Variants in DPP6 observed in about 807,000 individuals in gnomAD.
The protein encoded by DPP6 is A-type potassium channel modulatory protein DPP6.
In DPP6, 69 loss-of-function variants were observed where a neutral mutation model predicts 122.6. The observed-to-expected ratio is 0.56, with a 90% confidence interval of 0.46 to 0.69. DPP6 has a LOEUF of 0.69. DPP6 is among the 30% of genes least tolerant of loss of function. The probability of loss-of-function intolerance (pLI) is 0.00; values close to 1 mark genes in which losing one functional copy is unlikely to be tolerated. For missense variants in DPP6, 928 were observed against 1,116.9 expected, an observed-to-expected ratio of 0.83 and a Z score of 2.41; for synonymous variants, 418 against 433.1, an observed-to-expected ratio of 0.97 and a Z score of 0.43.
chr7:154,709,257 G>A (rs1488931), intron 7 of DPP6, among the ~76,000 whole-genome samples: 1 of 152,148 alleles, frequency 6.6e-6, no homozygotes, highest in Non-Finnish European at 1.5e-5. Flanking sequence ...GGAGTTCACT[G>A]CAGTCTTGAC....
intron 5 of DPP6, among the ~76,000 whole-genome samples, chr7:154,621,757 T>G (rs1342485026): frequency 1.3e-5 from 2 of 152,148 alleles, no homozygotes; most frequent in South Asian, 4.2e-4. Context: ...TTGGTTTCTC[T>G]TCCCTCCTCA....
intron 17 of DPP6, among the ~76,000 whole-genome samples, chr7:154,861,867 G>GA (rs982624280): frequency 3.9e-5 from 6 of 152,140 alleles, no homozygotes; most frequent in Admixed American, 2.6e-4. Flanking sequence ...TAGAATGTCT[G>GA]AAAATGTGTT....
intron 7 of DPP6, among the ~76,000 whole-genome samples, chr7:154,682,655 A>T (rs764157611): frequency 5.9e-5 from 9 of 152,164 alleles, no homozygotes; most frequent in Non-Finnish European, 1.2e-4. Context: ...GTTATTTGTG[A>T]ATGATTCTTC....
chr7:154,644,725 T>A (rs3080647), intron 6 of DPP6, among the ~76,000 whole-genome samples: 21,654 of 129,068 alleles, frequency 0.17, 1,852 homozygotes, highest in African/African-American at 0.27. Context: ...TTTTTTTTTT[T>A]AAGATACAGA....
chr7:154,574,893 GTATA>G (rs1175529930), intron 5 of DPP6, among the ~76,000 whole-genome samples: 1 of 144,458 alleles, frequency 6.9e-6, no homozygotes, highest in African/African-American at 2.6e-5. Flanking sequence ...TGTGGTGTGT[GTATA>G]TGTGTGGTGT....
At chr7:154,060,730 C>A (rs1275540823) in intron 1 of DPP6, among the ~76,000 whole-genome samples, 1 of 146,422 alleles carries the variant, frequency 6.8e-6, no homozygotes, top group African/African-American at 2.5e-5. Context: ...GGGAGGCACC[C>A]CCCGCGAGGC....
chr7:154,425,332 A>G (rs867750812), intron 1 of DPP6, among the ~76,000 whole-genome samples: 1 of 152,228 alleles, frequency 6.6e-6, no homozygotes, highest in African/African-American at 2.4e-5. Flanking sequence ...TTGAACCAGT[A>G]AAATTAGCTG....
chr7:154,097,214 A>C (rs1805389213), intron 1 of DPP6, among the ~76,000 whole-genome samples: 1 of 152,190 alleles, frequency 6.6e-6, no homozygotes, highest in South Asian at 2.1e-4. Flanking sequence ...TCAGGCGGCC[A>C]CTCAGTCTCC....
At chr7:154,186,767 G>T (rs1406680252) in intron 1 of DPP6, among the ~76,000 whole-genome samples, 1 of 152,228 alleles carries the variant, frequency 6.6e-6, no homozygotes, top group African/African-American at 2.4e-5. Context: ...TTACTCGGTT[G>T]TCTCAATTCT....
At chr7:154,767,237 G>C (rs1289188248) in intron 8 of DPP6, among the ~76,000 whole-genome samples, 1 of 152,052 alleles carries the variant, frequency 6.6e-6, no homozygotes, top group African/African-American at 2.4e-5. Context: ...GCACCTTCTC[G>C]CTCTGCCCTG....
At chr7:153,930,988 C>G (rs1413894712) in intron 1 of DPP6, among the ~76,000 whole-genome samples, 1 of 152,176 alleles carries the variant, frequency 6.6e-6, no homozygotes, top group Non-Finnish European at 1.5e-5. Context: ...AAGCAATTCT[C>G]TAAAAGGAAT....
intron 5 of DPP6, among the ~76,000 whole-genome samples, chr7:154,589,200 C>T (rs778135850): frequency 3.9e-5 from 6 of 152,270 alleles, no homozygotes; most frequent in African/African-American, 1.2e-4. Context: ...CATGAATGTA[C>T]GCTTTTTCAT....
intron 1 of DPP6, among the ~76,000 whole-genome samples, chr7:154,303,471 C>T (rs1293008008): frequency 6.6e-6 from 1 of 152,052 alleles, no homozygotes; most frequent in East Asian, 1.9e-4. Flanking sequence ...AACCTGTGAC[C>T]GTAGGAAGAC....
At chr7:154,575,542 G>A (rs1023961671) in intron 5 of DPP6, among the ~76,000 whole-genome samples, 63,147 of 135,882 alleles carry the variant, frequency 0.46, 15,806 homozygotes, top group East Asian at 0.94. Flanking sequence ...TGTATGTGGT[G>A]TGTGTGGTGT....
chr7:154,742,462 AT>A (rs1444237389), intron 8 of DPP6, among the ~76,000 whole-genome samples: 1 of 152,252 alleles, frequency 6.6e-6, no homozygotes, highest in Non-Finnish European at 1.5e-5. Context: ...CCAAACAACC[AT>A]TAATGCATTA....
the DPP6 span, among the ~76,000 whole-genome samples, chr7:153,818,847 G>A: frequency 1.3e-5 from 2 of 151,844 alleles, no homozygotes; most frequent in African/African-American, 2.4e-5. Flanking sequence ...TGCCTCCCGG[G>A]TGCAAGCGAT....
chr7:153,828,464 A>G, the DPP6 span, among the ~76,000 whole-genome samples: 1 of 152,206 alleles, frequency 6.6e-6, no homozygotes, highest in Non-Finnish European at 1.5e-5. Flanking sequence ...TTCTCTGTGA[A>G]TCTATCATTG....
chr7:154,685,317 A>G (rs994722498), intron 7 of DPP6, among the ~76,000 whole-genome samples: 7 of 152,242 alleles, frequency 4.6e-5, no homozygotes, highest in African/African-American at 1.7e-4. Flanking sequence ...TTAGGGAAAC[A>G]AAAGGTTTAT....
At chr7:153,844,717 G>A in the DPP6 span, among the ~76,000 whole-genome samples, 1 of 152,150 alleles carries the variant, frequency 6.6e-6, no homozygotes, top group South Asian at 2.1e-4. Flanking sequence ...AGACTCTTAT[G>A]ATAGACTTTC....
Sources: gnomAD v4.1 joint callset for allele counts (sites outside exome capture counted in the v4.1 genomes callset) on GRCh38, gnomAD v4.1.1 for gene constraint, MANE v1.5 for transcripts, NCBI Gene and HGNC (gene_info 2026-07-23, HGNC 2026-07-21) for gene names.